DDX11: variants seen among roughly 807,000 people sequenced by gnomAD.
DDX11 encodes ATP-dependent DNA helicase DDX11.
In DDX11, 72 loss-of-function variants were observed where a neutral mutation model predicts 125.2. That is an observed-to-expected ratio of 0.58 (90% CI 0.48 to 0.70). DDX11 has a LOEUF of 0.70. DDX11 is among the 30% of genes least tolerant of loss of function. DDX11 has a pLI of 0.00. For missense variants in DDX11, 883 were observed against 1,165.0 expected (o/e 0.76, Z 3.52); for synonymous variants, 347 against 452.6 (o/e 0.77, Z 2.96).
rs982195785 is a variant in DDX11, at chr12:31,097,814, G to A, written c.1763-71G>A. The A allele has an allele frequency of 2.0e-5, 18 of 888,878 alleles. No individual in the cohort carries two copies. The African/African-American group carries it at 2.4e-4, about 12-fold the overall frequency. 55.1% of individuals were successfully genotyped at this position (888,878 alleles called of 1,614,324 possible). On this transcript the variant is annotated intron_variant, in intron 17 of 26. Coordinates refer to ENST00000542838, the MANE Select transcript of DDX11 (RefSeq NM_030653.4). ...GCCTCAGACCTGGACTCACCTGGGG[G>A]ACCCCCTTTGCTGGGACGACAGAAG...
intron 1 of DDX11, chr12:31,077,819 G>A (rs1940980422): frequency 5.1e-6 from 1 of 197,868 alleles, no homozygotes; most frequent in Admixed American, 5.4e-5. Flanking sequence ...ACTCCAGCCT[G>A]GGCGACAGAG....
At chr12:31,081,965 C>T (rs1361107540) in intron 2 of DDX11, among the ~76,000 whole-genome samples, 2 of 128,602 alleles carry the variant, frequency 1.6e-5, no homozygotes, top group South Asian at 5.4e-4. Context: ...CCAGTGACAG[C>T]TGAAGCTGAC....
At chr12:31,078,933 C>G (rs1460174318) in intron 2 of DDX11, among the ~76,000 whole-genome samples, 7 of 152,110 alleles carry the variant, frequency 4.6e-5, no homozygotes, top group African/African-American at 1.2e-4. Context: ...GTGATCCGCC[C>G]GCTTCGGCCT....
intron 2 of DDX11, among the ~76,000 whole-genome samples, chr12:31,081,150 T>C (rs1313440436): frequency 6.6e-6 from 1 of 152,246 alleles, no homozygotes; most frequent in Non-Finnish European, 1.5e-5. Flanking sequence ...GCTCAGCCTT[T>C]AATTGTCGAT....
chr12:31,077,049 T>C (rs1366225964), intron 1 of DDX11: 1 of 152,294 alleles, frequency 6.6e-6, no homozygotes, highest in Non-Finnish European at 1.5e-5. Context: ...AGAGTGACAC[T>C]ATCACTAGTC....
chr12:31,086,485 C>G (rs1193621700), intron 5 of DDX11, among the ~76,000 whole-genome samples: 6 of 151,770 alleles, frequency 4.0e-5, no homozygotes, highest in African/African-American at 7.3e-5. Context: ...CTGCCCCTGC[C>G]CAGGGCAGAG....
intron 5 of DDX11, among the ~76,000 whole-genome samples, chr12:31,086,624 C>T: frequency 6.6e-6 from 1 of 152,148 alleles, no homozygotes; most frequent in East Asian, 1.9e-4. Flanking sequence ...CCCGTGGGGA[C>T]AAGGCAGAGA....
In DDX11 at chr12:31,096,438, C is replaced by G. The variant is rs553171784; in HGVS notation, c.1521+59C>G. ...CCCAGCTGTGCCCCAACCCCCTGCC[C>G]TTGCCATGCTTTCCTCCCCTGCCCT... On this transcript the variant is annotated intron_variant, in intron 15 of 26. Coordinates refer to ENST00000542838, the MANE Select transcript of DDX11 (RefSeq NM_030653.4). The G allele has an allele frequency of 1.1e-4, 179 of 1,613,446 alleles. 1 individual carries two copies. The African/African-American group carries it at 2.1e-3, about 19-fold the overall frequency.
chr12:31,077,629 C>T (rs1292770013), intron 1 of DDX11, among the ~76,000 whole-genome samples: 3 of 151,954 alleles, frequency 2.0e-5, no homozygotes, highest in Non-Finnish European at 4.4e-5. Flanking sequence ...GGGCGGATCA[C>T]GAGGTCAGGA....
chr12:31,082,816 A>G (rs1479401759), intron 2 of DDX11, among the ~76,000 whole-genome samples: 2 of 152,160 alleles, frequency 1.3e-5, no homozygotes, highest in Admixed American at 6.5e-5. Context: ...AGGTGTCAGC[A>G]TGCTTGGTCC....
rs754879885 is a variant in DDX11 at position 31,091,686 on chromosome 12, G to A, written c.1090-33G>A. The A allele has an allele frequency of 2.5e-5, 40 of 1,582,184 alleles. No homozygotes were observed. In the Admixed American group the frequency reaches 2.5e-4, roughly 10 times the overall value. ...GGCAAGGCTCCTGCAGGGGAGCCCC[G>A]CCCTGCTCAGGTGGCCTCATCTCCC... On this transcript the variant is annotated intron_variant, in intron 9 of 26. Transcript: ENST00000542838.
Position 31,104,393 on chromosome 12 carries a change from T to C in DDX11, c.*557T>C, listed in dbSNP as rs1046467. ...GTAGAAGGCCCTGCTCCCTATCCTG[T>C]CCCACAGCCCTGCCTGGATTTGTAT... is the stretch of plus-strand genomic sequence containing the variant. On this transcript the variant is annotated 3_prime_UTR_variant, in exon 27 of 27. Coordinates refer to ENST00000542838, the MANE Select transcript of DDX11 (RefSeq NM_030653.4). The C allele has an allele frequency of 0.51, 121,914 of 240,844 alleles. 33,324 individuals carry two copies. Among genetic ancestry groups the C allele is most frequent in the East Asian group, 0.82 (8,473 of 10,324 alleles). 14.9% of individuals were successfully genotyped at this position (240,844 alleles called of 1,614,324 possible).
chr12:31,087,222 A>G (rs1174489964), intron 5 of DDX11, among the ~76,000 whole-genome samples: 1 of 146,878 alleles, frequency 6.8e-6, no homozygotes, highest in Non-Finnish European at 1.5e-5. Context: ...AGCTGGTCAT[A>G]AGTGACAGCA....
Position 31,103,317 on chromosome 12 carries a change from C to A in DDX11, c.2458C>A (p.Pro820Thr), listed in dbSNP as rs1399631869. Residue 820 changes from proline (P) to threonine (T), a missense_variant and splice_region_variant, in exon 25 of 27, where the codon CCC becomes ACC. By Grantham distance (38) the Pro-to-Thr change is conservative (BLOSUM62 -1). Around this residue, in one of 5 missense-constraint regions of DDX11, gnomAD observed 285 missense variants for 346.0 expected, o/e 0.82. Transcript: ENST00000542838. Reference protein sequence around the residue: ...EKMAYLDQTLPRAPGQAPPGK... With the variant: ...EKMAYLDQTLTRAPGQAPPGK... Reference sequence around the variant, plus strand: ...GATGGGTCTTCCCCTTCACTCCCAGCCCAGAGCCCCCGGCCAGGCACCCCC... The same window carrying A: ...GATGGGTCTTCCCCTTCACTCCCAGACCAGAGCCCCCGGCCAGGCACCCCC... 6.2e-7 allele frequency: 1 copy of A among 1,610,718 alleles called. No homozygotes were observed. Among genetic ancestry groups the A allele is most frequent in the Non-Finnish European group, 8.5e-7 (1 of 1,179,482 alleles).
chr12:31,074,693 T>C (rs1174596098), intron 1 of DDX11, among the ~76,000 whole-genome samples: 2 of 152,206 alleles, frequency 1.3e-5, no homozygotes, highest in African/African-American at 4.8e-5. Context: ...CTCCAGCTGG[T>C]GGAGCACCGC....
chr12:31,098,345 A>T (rs1481608889), intron 18 of DDX11, among the ~76,000 whole-genome samples: 1 of 152,246 alleles, frequency 6.6e-6, no homozygotes, highest in African/African-American at 2.4e-5. Flanking sequence ...TGTAGGCGTA[A>T]TTTTTACTTA....
chr12:31,078,510 T>G lies in DDX11; in HGVS notation c.117T>G (p.Ile39Met). ...ELYRVLEAGK[I>M]GIFESPTGTG... ...ACCGGGTTTTGGAGGCTGGCAAGAT[T>G]GGGATATTTGAGAGTCCAACTGGCA... The change falls in exon 2 of 27, where the codon ATT (isoleucine) becomes ATG (methionine). Residue 39 changes from isoleucine to methionine, a missense_variant. Physicochemically the swap from Ile to Met is conservative, Grantham distance 10 (BLOSUM62 1). Around this residue, in one of 5 missense-constraint regions of DDX11, gnomAD observed 283 missense variants for 359.6 expected, o/e 0.79. Coordinates refer to ENST00000542838, the MANE Select transcript of DDX11 (RefSeq NM_030653.4). The G allele has an allele frequency of 6.2e-7, 1 of 1,611,738 alleles. No homozygotes were observed. The highest frequency in any genetic ancestry group is 1.1e-5 in the South Asian group (1 of 90,952).
rs1046226646 is a variant in DDX11, at chr12:31,078,488, G to A, written c.95G>A (p.Arg32Gln). 4 of 1,611,632 alleles carry A rather than the reference G, an allele frequency of 2.5e-6. No individual in the cohort carries two copies. Among genetic ancestry groups the A allele is most frequent in the East Asian group, 2.2e-5 (1 of 44,876 alleles). ...GAAGACTTCATGGCAGAGCTGTACC[G>A]GGTTTTGGAGGCTGGCAAGATTGGG... is the stretch of plus-strand genomic sequence containing the variant. ...IQEDFMAELY[R>Q]VLEAGKIGIF... Residue 32 changes from arginine to glutamine, a missense_variant, in exon 2 of 27, where the codon CGG (arginine) becomes CAG (glutamine). Coordinates refer to ENST00000542838, the MANE Select transcript of DDX11 (RefSeq NM_030653.4).
At chr12:31,091,493 T>C (rs936509586) in intron 9 of DDX11, 1 of 551,352 alleles carries the variant, frequency 1.8e-6, no homozygotes, top group African/African-American at 1.9e-5. Flanking sequence ...GCCCTGCCCT[T>C]GGTTTACTCA....
Sources: gnomAD v4.1 joint callset for allele counts (sites outside exome capture counted in the v4.1 genomes callset) on GRCh38, gnomAD v4.1.1 for gene constraint, gnomAD v4.1.1 regional missense constraint, MANE v1.5 for transcripts, NCBI Gene and HGNC (gene_info 2026-07-23, HGNC 2026-07-21) for gene names.